The following FHIT variants were observed in gnomAD, a reference collection of about 807,000 sequenced individuals.
The protein encoded by FHIT is bis(5'-adenosyl)-triphosphatase.
Under a neutral mutation model 17.9 loss-of-function variants are expected in FHIT, and 19 were observed. That is an observed-to-expected ratio of 1.06 (90% CI 0.74 to 1.56). The LOEUF (loss-of-function observed/expected upper bound fraction) is 1.56. Among genes scored for constraint, FHIT ranks in the 40% most tolerant of loss-of-function variants. The probability of loss-of-function intolerance (pLI) is 0.00; values close to 1 mark genes in which losing one functional copy is unlikely to be tolerated. For missense variants in FHIT, 248 were observed against 189.2 expected (o/e 1.31, Z -1.82); for synonymous variants, 81 against 69.7 (o/e 1.16, Z -0.81).
intron 4 of FHIT, among the ~76,000 whole-genome samples, chr3:60,657,923 A>AT (rs782622405): frequency 6.6e-6 from 1 of 151,830 alleles, no homozygotes; most frequent in African/African-American, 2.4e-5. Flanking sequence ...TTTTTTTCCA[A>AT]TTTTTTTGTG....
At chr3:60,198,825 T>C (rs897311125) in intron 5 of FHIT, among the ~76,000 whole-genome samples, 1 of 152,182 alleles carries the variant, frequency 6.6e-6, no homozygotes, top group Admixed American at 6.5e-5. Context: ...AAAAATGCAT[T>C]TGCACCAGTG....
At chr3:61,161,068 A>G (rs2037675594) in intron 2 of FHIT, among the ~76,000 whole-genome samples, 1 of 152,018 alleles carries the variant, frequency 6.6e-6, no homozygotes, top group Non-Finnish European at 1.5e-5. Flanking sequence ...AGCAAACAGT[A>G]AGCCTGCTTT....
chr3:60,657,851 A>C (rs2040153642), intron 4 of FHIT, among the ~76,000 whole-genome samples: 2 of 152,104 alleles, frequency 1.3e-5, no homozygotes, highest in African/African-American at 4.8e-5. Flanking sequence ...TTTCATAACA[A>C]TGTATCCAAT....
intron 2 of FHIT, among the ~76,000 whole-genome samples, chr3:61,135,853 C>T (rs560667448): frequency 6.6e-6 from 1 of 151,964 alleles, no homozygotes; most frequent in Non-Finnish European, 1.5e-5. Flanking sequence ...GAGCAAAAAC[C>T]AGCTACAAAA....
At chr3:60,215,631 A>G (rs1006724454) in intron 5 of FHIT, among the ~76,000 whole-genome samples, 1 of 152,208 alleles carries the variant, frequency 6.6e-6, no homozygotes. Context: ...ATATCTACCT[A>G]TGCCTCTGTT....
At chr3:60,582,316 C>T (rs779993611) in intron 4 of FHIT, among the ~76,000 whole-genome samples, 4 of 152,042 alleles carry the variant, frequency 2.6e-5, no homozygotes, top group Admixed American at 1.3e-4. Flanking sequence ...TTGATGAATG[C>T]CCTCGTCAGA....
intron 4 of FHIT, among the ~76,000 whole-genome samples, chr3:60,575,349 A>C (rs1553657213): frequency 6.6e-6 from 1 of 152,172 alleles, no homozygotes; most frequent in Admixed American, 6.5e-5. Context: ...AGATACTGGA[A>C]GACTTTTAGT....
At chr3:60,411,086 TTATATATGTTAAA>T (rs982670330) in intron 5 of FHIT, among the ~76,000 whole-genome samples, 14 of 152,148 alleles carry the variant, frequency 9.2e-5, no homozygotes, top group African/African-American at 3.4e-4. Context: ...AAATGGTATG[TTATATATGTTAAA>T]TACACATAAA....
In FHIT at chr3:60,408,214, A is replaced by G. The variant is rs564057501; in HGVS notation, c.103+128646T>C. Among the ~76,000 whole-genome samples the G allele has an allele frequency of 2.6e-5, 4 of 152,168 alleles. No individual in the cohort carries two copies. The South Asian group carries it at 8.3e-4, about 32-fold the overall frequency. On this transcript the variant is annotated intron_variant, in intron 5 of 9. Transcript: ENST00000492590. The stretch of plus-strand genomic sequence containing the variant: ...GTTGTAACGGCCCACTGGACTAACC[A>G]CCCTGCACGTGCTGCCCAGTTTCAA...
chr3:61,006,609 T>A (rs76426431), intron 3 of FHIT, among the ~76,000 whole-genome samples: 1 of 121,686 alleles, frequency 8.2e-6, no homozygotes, highest in Admixed American at 7.7e-5. Flanking sequence ...ACATATTCTT[T>A]TTTTTTTTTT....
chr3:60,289,777 G>C (rs186551416), intron 5 of FHIT, among the ~76,000 whole-genome samples: 1 of 152,204 alleles, frequency 6.6e-6, no homozygotes, highest in East Asian at 1.9e-4. Context: ...TTCAGAACCG[G>C]GTATTTAGAA....
chr3:60,857,384 C>T (rs1703432894), intron 3 of FHIT, among the ~76,000 whole-genome samples: 1 of 152,146 alleles, frequency 6.6e-6, no homozygotes, highest in Non-Finnish European at 1.5e-5. Flanking sequence ...AGGTATCAGA[C>T]AGCATTTGAC....
chr3:60,699,649 C>A (rs1431586622), intron 4 of FHIT, among the ~76,000 whole-genome samples: 3 of 138,918 alleles, frequency 2.2e-5, no homozygotes, highest in South Asian at 4.5e-4. Flanking sequence ...TGTAACTAAC[C>A]TGCACAATGT....
chr3:61,224,404 C>T (rs1344005935), intron 1 of FHIT, among the ~76,000 whole-genome samples: 1 of 151,970 alleles, frequency 6.6e-6, no homozygotes, highest in Non-Finnish European at 1.5e-5. Context: ...GCTTATGTTA[C>T]TATTTTATTT....
intron 5 of FHIT, among the ~76,000 whole-genome samples, chr3:60,246,048 TA>T (rs1379305182): frequency 6.6e-6 from 1 of 152,128 alleles, no homozygotes. Flanking sequence ...ATTTTCTGCT[TA>T]AAAAATGCTT....
intron 3 of FHIT, among the ~76,000 whole-genome samples, chr3:60,939,854 A>C (rs1259330649): frequency 6.6e-6 from 1 of 152,170 alleles, no homozygotes; most frequent in African/African-American, 2.4e-5. Flanking sequence ...AAACATTAAA[A>C]GAAATTTAAC....
At chr3:60,387,091 G>A (rs9863027) in intron 5 of FHIT, among the ~76,000 whole-genome samples, 4,825 of 149,978 alleles carry the variant, frequency 0.032, 121 homozygotes, top group African/African-American at 0.069. Context: ...AGGTTCAAGC[G>A]ATTCTCCTGC....
chr3:61,087,332 C>T (rs953488613), intron 2 of FHIT, among the ~76,000 whole-genome samples: 4 of 152,106 alleles, frequency 2.6e-5, no homozygotes, highest in Non-Finnish European at 5.9e-5. Context: ...TTGGGGACCA[C>T]TTTTGTATAT....
At chr3:60,174,841 G>C (rs1701594774) in intron 5 of FHIT, among the ~76,000 whole-genome samples, 1 of 151,992 alleles carries the variant, frequency 6.6e-6, no homozygotes, top group South Asian at 2.1e-4. Context: ...CCAGCCCCTA[G>C]AAATGACCAA....
Sources: gnomAD v4.1 joint callset for allele counts (sites outside exome capture counted in the v4.1 genomes callset) on GRCh38, gnomAD v4.1.1 for gene constraint, MANE v1.5 for transcripts, NCBI Gene and HGNC (gene_info 2026-07-23, HGNC 2026-07-21) for gene names.